ITGB6: variants seen among roughly 807,000 people sequenced by gnomAD.
The protein encoded by ITGB6 is integrin beta-6.
ITGB6 carries 80 observed loss-of-function variants against 84.5 expected under a neutral mutation model. That is an observed-to-expected ratio of 0.95 (90% CI 0.79 to 1.14). The LOEUF is 1.14. ITGB6 is among the 50% of genes most tolerant of loss of function. The pLI, the probability that ITGB6 is intolerant of heterozygous loss-of-function variation, is 0.00. For missense variants in ITGB6, 1,006 were observed against 968.0 expected, an observed-to-expected ratio of 1.04 and a Z score of -0.52; for synonymous variants, 383 against 354.9, an observed-to-expected ratio of 1.08 and a Z score of -0.89.
intron 10 of ITGB6, among the ~76,000 whole-genome samples, chr2:160,130,493 A>T (rs1683425130): frequency 6.6e-6 from 1 of 152,198 alleles, no homozygotes; most frequent in African/African-American, 2.4e-5. Context: ...CTAAATTTAT[A>T]TGAGTTTCAC....
chr2:160,130,685 C>G (rs908691108), intron 10 of ITGB6, among the ~76,000 whole-genome samples: 1 of 152,142 alleles, frequency 6.6e-6, no homozygotes, highest in Non-Finnish European at 1.5e-5. Context: ...CCATTAATTT[C>G]ATTTTTACAT....
intron 10 of ITGB6, among the ~76,000 whole-genome samples, chr2:160,135,048 T>C (rs1347091134): frequency 6.6e-6 from 1 of 152,206 alleles, no homozygotes; most frequent in Non-Finnish European, 1.5e-5. Flanking sequence ...TTGGAAGTTC[T>C]GGTCAGGGCA....
At chr2:160,125,962 TCAGGCTATAAACTTCTAGATAAG>T (rs1450942023) in intron 11 of ITGB6, among the ~76,000 whole-genome samples, 7 of 152,102 alleles carry the variant, frequency 4.6e-5, no homozygotes, top group Non-Finnish European at 1.0e-4. Context: ...ATCAGTAAGG[TCAGGCTATAAACTTCTAGATAAG>T]AAAGAAGCTT....
intron 5 of ITGB6, among the ~76,000 whole-genome samples, chr2:160,173,109 T>C (rs1685280579): frequency 6.6e-6 from 1 of 152,200 alleles, no homozygotes; most frequent in South Asian, 2.1e-4. Context: ...CTCATCAAAA[T>C]GCAATGTTAA....
intron 6 of ITGB6, among the ~76,000 whole-genome samples, chr2:160,171,232 T>C (rs1685186823): frequency 1.3e-5 from 2 of 152,142 alleles, no homozygotes; most frequent in South Asian, 4.1e-4. Context: ...CACAGCATTG[T>C]TCTAAGAAGT....
At chr2:160,194,306 AG>A (rs1250348260) in intron 4 of ITGB6, among the ~76,000 whole-genome samples, 1 of 151,958 alleles carries the variant, frequency 6.6e-6, no homozygotes, top group Middle Eastern at 3.2e-3. Context: ...GTTAGATTGT[AG>A]TTGGGAAGTA....
chr2:160,117,923 G>C (rs541537412), intron 12 of ITGB6, among the ~76,000 whole-genome samples: 1 of 152,258 alleles, frequency 6.6e-6, no homozygotes, highest in Non-Finnish European at 1.5e-5. Flanking sequence ...AGAAGAAATG[G>C]ATAAATTCCT....
At chr2:160,102,975 C>T (rs1037734449) in intron 14 of ITGB6, among the ~76,000 whole-genome samples, 1 of 152,184 alleles carries the variant, frequency 6.6e-6, no homozygotes, top group Non-Finnish European at 1.5e-5. Flanking sequence ...CTTTTCTTCA[C>T]ATTTGGAATT....
chr2:160,155,675 T>C (rs760567973), intron 7 of ITGB6, among the ~76,000 whole-genome samples: 29 of 152,098 alleles, frequency 1.9e-4, no homozygotes, highest in Non-Finnish European at 3.2e-4. Context: ...CCTTTAAGAG[T>C]ATGAGAAGGA....
chr2:160,164,021 TA>T (rs1684914160), intron 7 of ITGB6, among the ~76,000 whole-genome samples: 1 of 152,194 alleles, frequency 6.6e-6, no homozygotes, highest in Non-Finnish European at 1.5e-5. Flanking sequence ...GATTGCCGAT[TA>T]ATTTGCTGCT....
chr2:160,168,149 G>A (rs1685075340), intron 7 of ITGB6, among the ~76,000 whole-genome samples: 1 of 152,170 alleles, frequency 6.6e-6, no homozygotes, highest in East Asian at 1.9e-4. Flanking sequence ...TCCTTGGTTT[G>A]CAGCAGAAGG....
chr2:160,158,248 G>A (rs919125274), intron 7 of ITGB6, among the ~76,000 whole-genome samples: 2 of 152,150 alleles, frequency 1.3e-5, no homozygotes, highest in African/African-American at 2.4e-5. Flanking sequence ...TGTCGGCATC[G>A]GAACTTTTGA....
intron 7 of ITGB6, among the ~76,000 whole-genome samples, chr2:160,154,096 G>A (rs1415957450): frequency 1.3e-5 from 2 of 152,144 alleles, no homozygotes; most frequent in African/African-American, 4.8e-5. Flanking sequence ...TATACCCAAA[G>A]GATTAGAAAT....
chr2:160,170,014 G>C (rs1685144537), intron 6 of ITGB6, among the ~76,000 whole-genome samples: 1 of 152,152 alleles, frequency 6.6e-6, no homozygotes, highest in Admixed American at 6.5e-5. Context: ...TTCAAGTTTG[G>C]AAAATATTAT....
At chr2:160,172,808 C>A in intron 5 of ITGB6, 78 bp from the exon 6 acceptor site, 1 of 1,127,930 alleles carries the variant, frequency 8.9e-7, no homozygotes, top group South Asian at 1.4e-5. Context: ...TATGCTTGGA[C>A]ACATTTAGGT....
chr2:160,133,696 A>T (rs1683569287), intron 10 of ITGB6, among the ~76,000 whole-genome samples: 1 of 152,214 alleles, frequency 6.6e-6, no homozygotes, highest in Non-Finnish European at 1.5e-5. Flanking sequence ...AGAAATTATA[A>T]CAAACTGTCT....
chr2:160,183,278 T>C (rs1406187033), intron 4 of ITGB6, among the ~76,000 whole-genome samples: 3 of 151,744 alleles, frequency 2.0e-5, no homozygotes, highest in Non-Finnish European at 4.4e-5. Flanking sequence ...GGGCTCAAAA[T>C]AAAGGGATGG....
At chr2:160,150,707 C>A (rs557918449) in intron 7 of ITGB6, among the ~76,000 whole-genome samples, 1 of 152,192 alleles carries the variant, frequency 6.6e-6, no homozygotes, top group Non-Finnish European at 1.5e-5. Flanking sequence ...ATTCAGGAGA[C>A]ACATTTCACG....
chr2:160,106,852 C>A (rs1053063220), intron 14 of ITGB6, among the ~76,000 whole-genome samples: 14 of 152,156 alleles, frequency 9.2e-5, no homozygotes, highest in African/African-American at 3.4e-4. Flanking sequence ...TCCAAAGGAG[C>A]ATTGCGTCTA....
Sources: allele counts gnomAD v4.1 joint callset (sites outside exome capture counted in the v4.1 genomes callset), GRCh38; gene constraint gnomAD v4.1.1; transcripts MANE v1.5; gene names NCBI Gene and HGNC (gene_info 2026-07-23, HGNC 2026-07-21).